CPLANE1: variants seen among roughly 807,000 people sequenced by gnomAD.
CPLANE1 encodes ciliogenesis and planar polarity effector 1.
A neutral mutation model predicts 362.5 loss-of-function variants in CPLANE1; 263 were observed. The ratio of observed to expected loss-of-function variants is 0.73; its 90% CI spans 0.66 to 0.80. The LOEUF (loss-of-function observed/expected upper bound fraction) is 0.80, where lower values mean the gene tolerates loss of function less well. Ranked by LOEUF, CPLANE1 falls within the 30% of genes least tolerant of loss-of-function variation. CPLANE1 has a pLI of 0.00. For missense variants in CPLANE1, 3,461 were observed against 3,793.4 expected (o/e 0.91, Z 2.30); for synonymous variants, 1,212 against 1,302.6 (o/e 0.93, Z 1.50).
In CPLANE1 at chr5:37,244,525, A is replaced by G. The variant is rs1056117590; in HGVS notation, c.420T>C (p.Leu140=). Residue 140 remains leucine, a synonymous_variant, in exon 5 of 53, where the codon CTT becomes CTC. Coordinates refer to ENST00000651892, the MANE Select transcript of CPLANE1 (RefSeq NM_001384732.1). ...TATTCTTTAATTCCAAATATTCCCAAAGAAATATGCATCCAGAAGGTGTTA... is the reference window on the plus strand; with the variant it reads ...TATTCTTTAATTCCAAATATTCCCAGAGAAATATGCATCCAGAAGGTGTTA... ...VLITPSGCIF[L]WEYLELKNIL... The G allele has an allele frequency of 1.9e-5, 30 of 1,551,724 alleles. No homozygotes were observed. The African/African-American group carries it at 4.0e-4, about 21-fold the overall frequency.
intron 16 of CPLANE1, among the ~76,000 whole-genome samples, chr5:37,208,446 G>T (rs1232572682): frequency 6.6e-6 from 1 of 152,224 alleles, no homozygotes; most frequent in Non-Finnish European, 1.5e-5. Context: ...GGGAGGCCGA[G>T]GTGAGCGGAT....
Position 37,247,497 on chromosome 5 carries a change from A to G in CPLANE1, c.81+121T>C, listed in dbSNP as rs865988796. The G allele has an allele frequency of 3.1e-5, 25 of 809,606 alleles. No individual in the cohort carries two copies. In the African/African-American group the frequency reaches 3.9e-4, roughly 13 times the overall value. 50.2% of individuals were successfully genotyped at this position (809,606 alleles called of 1,614,324 possible). A position where few individuals can be genotyped will look rare whatever the true frequency, so the allele number is the denominator to read the frequency against. ...GTGTGCAGGTAGGTGATCCTCCTGT[A>G]GATCCTCCTCCAGTAGATGATGTTT... is the stretch of plus-strand genomic sequence containing the variant. On this transcript the variant is annotated intron_variant, in intron 2 of 52. Transcript: ENST00000651892.
At chr5:37,177,802 AAC>A (rs1781595150) in intron 29 of CPLANE1, 102 bp from the exon 30 acceptor site, 1 of 828,138 alleles carries the variant, frequency 1.2e-6, no homozygotes, top group Non-Finnish European at 2.0e-6. Flanking sequence ...CCAGAGTAAC[AAC>A]AGTCTACAAG....
chr5:37,225,239 C>G (rs1180261230), intron 12 of CPLANE1, among the ~76,000 whole-genome samples: 1 of 151,686 alleles, frequency 6.6e-6, no homozygotes, highest in Non-Finnish European at 1.5e-5. Flanking sequence ...GTAGCTGGGA[C>G]CACAGGTGCA....
the CPLANE1 span, among the ~76,000 whole-genome samples, chr5:37,088,446 C>A: frequency 6.6e-6 from 1 of 152,152 alleles, no homozygotes; most frequent in East Asian, 1.9e-4. Flanking sequence ...ATGCGGAGAT[C>A]CAGGTCATAT....
At chr5:37,131,536 A>AT (rs927475157) in intron 46 of CPLANE1, among the ~76,000 whole-genome samples, 39 of 149,124 alleles carry the variant, frequency 2.6e-4, no homozygotes, top group South Asian at 4.2e-4. Flanking sequence ...GTAAAAAAAA[A>AT]TTTTTTTTTT....
intron 16 of CPLANE1, among the ~76,000 whole-genome samples, chr5:37,207,754 T>A (rs1245977031): frequency 6.6e-6 from 1 of 152,224 alleles, no homozygotes; most frequent in African/African-American, 2.4e-5. Context: ...TAGGTGTGCC[T>A]TGTACATACA....
Position 37,152,494 on chromosome 5 carries a change from T to TA in CPLANE1, c.8373+1245dup, listed in dbSNP as rs56769263. ...CTTTTGATATAAATTGTTCTTCCTT[T>TA]AAAAAAAAGGACAAAATGTGTAAAA... On this transcript the variant is annotated intron_variant, in intron 42 of 52. Transcript: ENST00000651892. Among the ~76,000 whole-genome samples, 139 of 151,930 alleles carry TA rather than the reference T, an allele frequency of 9.1e-4. 1 individual carries two copies. Among genetic ancestry groups the TA allele is most frequent in the African/African-American group, 2.6e-3 (109 of 41,472 alleles).
In CPLANE1 at chr5:37,108,523, T is replaced by G. The variant is rs779653281; in HGVS notation, c.9401-52A>C. ...CATTGGGATTGATTCATTCATTCAT[T>G]CATTCATTTGTTAATTGTGACTTTT... On this transcript the variant is annotated intron_variant, in intron 51 of 52. Transcript: ENST00000651892. 4.7e-6 allele frequency: 7 copies of G among 1,497,436 alleles called. No individual in the cohort carries two copies. The African/African-American group carries it at 7.0e-5, about 15-fold the overall frequency. The allele number at this position is 1,497,436 out of a possible 1,614,324, so 92.8% of individuals were successfully genotyped here.
chr5:37,187,070 A>AAAAAAAAAAAAAAAC (rs1784269585), intron 23 of CPLANE1, among the ~76,000 whole-genome samples: 1 of 147,756 alleles, frequency 6.8e-6, no homozygotes, highest in African/African-American at 2.5e-5. Context: ...CAAAAAAAAA[A>AAAAAAAAAAAAAAAC]AAAAAAAAAA....
At chr5:37,181,817 G>A (rs1462716003) in intron 26 of CPLANE1, among the ~76,000 whole-genome samples, 1 of 148,328 alleles carries the variant, frequency 6.7e-6, no homozygotes, top group Admixed American at 6.7e-5. Context: ...TCTGGACCAG[G>A]CGCAGTGGCT....
At chr5:37,119,467 T>C (rs1446623072) in intron 50 of CPLANE1, among the ~76,000 whole-genome samples, 1 of 148,550 alleles carries the variant, frequency 6.7e-6, no homozygotes, top group Non-Finnish European at 1.5e-5. Context: ...GGTCGGGAGT[T>C]CGAGACCAGC....
chr5:37,083,239 C>T, the CPLANE1 span, among the ~76,000 whole-genome samples: 6 of 152,194 alleles, frequency 3.9e-5, no homozygotes, highest in Non-Finnish European at 8.8e-5. Flanking sequence ...GAGAGTACTA[C>T]ATCAAGAGAA....
intron 15 of CPLANE1, among the ~76,000 whole-genome samples, chr5:37,217,745 G>A (rs1039001511): frequency 6.6e-6 from 1 of 151,938 alleles, no homozygotes; most frequent in South Asian, 2.1e-4. Flanking sequence ...GGGAGGCCGA[G>A]GGGGGAGGAT....
intron 21 of CPLANE1, 125 bp from the exon 22 acceptor site, chr5:37,187,967 ACACATGCTCAT>A: frequency 1.9e-6 from 1 of 522,056 alleles, no homozygotes; most frequent in Non-Finnish European, 3.3e-6. Flanking sequence ...TATAAAATGA[ACACATGCTCAT>A]TGTAAATTTA....
In CPLANE1 at chr5:37,139,364, T is replaced by G. The variant is rs1224364424; in HGVS notation, c.8639A>C (p.Asn2880Thr). ...SDQNTTSPGMNSSDELCESVS... is the reference protein window; with the variant it reads ...SDQNTTSPGMTSSDELCESVS... ...CCTCTCACACAATTCATCACTGCTA[T>G]TCATACCTAAAAAAAAAATCATTAT... Residue 2880 changes from asparagine to threonine, a missense_variant, in exon 45 of 53, where the codon AAT becomes ACT. Asn to Thr is a moderately conservative substitution (Grantham distance 65). This residue lies in a region of CPLANE1 where 3,380 missense variants were observed against 3,666.1 expected (regional missense o/e 0.92). Coordinates refer to ENST00000651892, the MANE Select transcript of CPLANE1 (RefSeq NM_001384732.1). 2 of 1,217,808 alleles carry G rather than the reference T, an allele frequency of 1.6e-6. No individual in the cohort carries two copies. Among genetic ancestry groups the G allele is most frequent in the African/African-American group, 3.3e-5 (2 of 61,452 alleles). The allele number at this position is 1,217,808 out of a possible 1,614,324, so 75.4% of individuals were successfully genotyped here.
chr5:37,230,874 T>G lies in CPLANE1; in HGVS notation c.1114A>C (p.Thr372Pro), dbSNP rs1382677016. 1 of 1,529,868 alleles carries G rather than the reference T, an allele frequency of 6.5e-7. No homozygotes were observed. Among genetic ancestry groups the G allele is most frequent in the Admixed American group, 2.1e-5 (1 of 47,946 alleles). The allele number at this position is 1,529,868 out of a possible 1,614,324, so 94.8% of individuals were successfully genotyped here. A position where few individuals can be genotyped will look rare whatever the true frequency, so the allele number is the denominator to read the frequency against. ...AEFIPLHPLI[T>P]YRPQQFTFQD... ...ACAATTCAAATGTCTCACCTATACG[T>G]TATTAGTGGATGAAGAGGAATAAAT... Residue 372 changes from threonine to proline, a missense_variant, in exon 9 of 53, where the codon ACG (threonine) becomes CCG (proline). Thr to Pro is a conservative substitution (Grantham distance 38). Around this residue, in one of 2 missense-constraint regions of CPLANE1, gnomAD observed 3,380 missense variants for 3,666.1 expected, o/e 0.92. Transcript: ENST00000651892.
chr5:37,127,443 A>G (rs775665214), intron 46 of CPLANE1, among the ~76,000 whole-genome samples: 1 of 152,120 alleles, frequency 6.6e-6, no homozygotes, highest in Non-Finnish European at 1.5e-5. Context: ...ATACCGATGA[A>G]TATTACCACT....
the CPLANE1 span, among the ~76,000 whole-genome samples, chr5:37,089,804 G>A: frequency 2.6e-5 from 4 of 152,218 alleles, no homozygotes; most frequent in East Asian, 1.9e-4. Flanking sequence ...CCAGCTTGTC[G>A]AATTCATTGG....
Sources: allele counts gnomAD v4.1 joint callset (sites outside exome capture counted in the v4.1 genomes callset), GRCh38; gene constraint gnomAD v4.1.1; regional missense constraint gnomAD v4.1.1; transcripts MANE v1.5; gene names NCBI Gene and HGNC (gene_info 2026-07-23, HGNC 2026-07-21).